Variants in MALRD1 observed in about 807,000 individuals in gnomAD.
The protein encoded by MALRD1 is MAM and LDL receptor class A domain containing 1, also known as MAM and LDL-receptor class A domain-containing protein 1.
A neutral mutation model predicts 242.1 loss-of-function variants in MALRD1; 247 were observed. The ratio of observed to expected loss-of-function variants is 1.02; its 90% CI spans 0.92 to 1.13. MALRD1 has a LOEUF of 1.13. MALRD1 is among the 50% of genes most tolerant of loss of function. The pLI, the probability that MALRD1 is intolerant of heterozygous loss-of-function variation, is 0.00. For missense variants in MALRD1, 2,989 were observed against 2,533.1 expected, an observed-to-expected ratio of 1.18 and a Z score of -3.86; for synonymous variants, 995 against 866.6, an observed-to-expected ratio of 1.15 and a Z score of -2.60.
chr10:19,656,613 G>T (rs924371619), intron 36 of MALRD1, among the ~76,000 whole-genome samples: 1 of 151,572 alleles, frequency 6.6e-6, no homozygotes, highest in African/African-American at 2.4e-5. Context: ...ATTAACCTTT[G>T]CCCTGTATAT....
chr10:19,114,239 C>T (rs1240713932), intron 5 of MALRD1, among the ~76,000 whole-genome samples: 1 of 152,158 alleles, frequency 6.6e-6, no homozygotes, highest in African/African-American at 2.4e-5. Flanking sequence ...CTGGGCCAAG[C>T]ATTTCCCATA....
intron 36 of MALRD1, among the ~76,000 whole-genome samples, chr10:19,687,242 G>C (rs1264146425): frequency 3.3e-5 from 5 of 151,934 alleles, no homozygotes; most frequent in South Asian, 2.1e-4. Flanking sequence ...ATTACACAAG[G>C]GGCAGAATCA....
At chr10:19,210,501 A>G (rs1038156652) in intron 18 of MALRD1, among the ~76,000 whole-genome samples, 1 of 152,162 alleles carries the variant, frequency 6.6e-6, no homozygotes, top group African/African-American at 2.4e-5. Flanking sequence ...GGGCTTGAAT[A>G]TTTGTTCTTT....
At chr10:19,234,395 TTA>T (rs72359351) in intron 18 of MALRD1, among the ~76,000 whole-genome samples, 12,134 of 151,940 alleles carry the variant, frequency 0.08, 547 homozygotes, top group East Asian at 0.17. Context: ...AGATCACAGT[TTA>T]TGTTTTATTA....
intron 19 of MALRD1, among the ~76,000 whole-genome samples, chr10:19,266,749 A>C (rs1483488866): frequency 6.6e-6 from 1 of 152,038 alleles, no homozygotes; most frequent in Admixed American, 6.5e-5. Context: ...AGGCAAAATT[A>C]ATTACATTTC....
At chr10:19,568,093 C>T (rs370072082) in intron 33 of MALRD1, among the ~76,000 whole-genome samples, 7 of 152,212 alleles carry the variant, frequency 4.6e-5, no homozygotes, top group East Asian at 3.9e-4. Context: ...CCCCAGGCCA[C>T]GTTCCTTCTC....
Position 19,492,306 on chromosome 10 carries a change from C to A in MALRD1, c.5158+661C>A, listed in dbSNP as rs559642519. 2.0e-5 allele frequency among the ~76,000 whole-genome samples: 3 copies of A among 152,118 alleles called. No individual in the cohort carries two copies. The East Asian group carries it at 5.8e-4, about 29-fold the overall frequency. ...TTATCTTTCCTAGAGAATATTGATACCATACCAGCTACCTGTTGCAGTTAC... is the reference window on the plus strand; with the variant it reads ...TTATCTTTCCTAGAGAATATTGATAACATACCAGCTACCTGTTGCAGTTAC... On this transcript the variant is annotated intron_variant, in intron 30 of 39. Coordinates refer to ENST00000454679, the MANE Select transcript of MALRD1 (RefSeq NM_001142308.3).
chr10:19,594,772 G>A (rs1187984777), intron 33 of MALRD1, among the ~76,000 whole-genome samples: 1 of 152,098 alleles, frequency 6.6e-6, no homozygotes, highest in African/African-American at 2.4e-5. Flanking sequence ...GTATAAATGG[G>A]AGCTAAGCTG....
intron 34 of MALRD1, among the ~76,000 whole-genome samples, chr10:19,600,567 C>T (rs1280711368): frequency 6.6e-6 from 1 of 152,168 alleles, no homozygotes; most frequent in Non-Finnish European, 1.5e-5. Context: ...CCTTCATTCT[C>T]ATAGCCCAAG....
intron 28 of MALRD1, among the ~76,000 whole-genome samples, chr10:19,393,985 C>A (rs1254939060): frequency 6.6e-6 from 1 of 152,158 alleles, no homozygotes; most frequent in Non-Finnish European, 1.5e-5. Flanking sequence ...ACTCTTCCAT[C>A]TGTAATAAAC....
At chr10:19,377,954 C>A (rs1219504239) in intron 26 of MALRD1, among the ~76,000 whole-genome samples, 2 of 152,110 alleles carry the variant, frequency 1.3e-5, no homozygotes, top group Non-Finnish European at 2.9e-5. Flanking sequence ...CCCTTTCATT[C>A]ACAATTTTCA....
Position 19,654,490 on chromosome 10 carries a change from G to C in MALRD1, c.6138-37792G>C, listed in dbSNP as rs1167490751. 3.0e-4 allele frequency among the ~76,000 whole-genome samples: 45 copies of C among 152,094 alleles called. 1 individual carries two copies. Among genetic ancestry groups the C allele is most frequent in the Admixed American group, 2.9e-3 (45 of 15,256 alleles). On this transcript the variant is annotated intron_variant, in intron 36 of 39. Transcript: ENST00000454679. The stretch of plus-strand genomic sequence containing the variant: ...TGACCATTATCAATATCTCTACATA[G>C]ATGAATCCAAAAGGAGAGTCATATT...
At chr10:19,612,222 A>G (rs1838933596) in intron 35 of MALRD1, among the ~76,000 whole-genome samples, 1 of 151,958 alleles carries the variant, frequency 6.6e-6, no homozygotes. Flanking sequence ...CTTGGTGGCT[A>G]TTCTTCAGTC....
chr10:19,169,598 AAAG>A (rs1302126466), intron 13 of MALRD1, among the ~76,000 whole-genome samples: 1 of 152,166 alleles, frequency 6.6e-6, no homozygotes, highest in Non-Finnish European at 1.5e-5. Flanking sequence ...GCAGAAAAAA[AAAG>A]ATGCTAATAT....
At position 19,347,910 on chromosome 10, in the gene MALRD1, A is replaced by T; in HGVS notation, c.4041A>T (p.Gly1347=). The change falls in exon 25 of 40, where the codon GGA becomes GGT. Residue 1347 remains glycine, a synonymous_variant. Coordinates refer to ENST00000454679, the MANE Select transcript of MALRD1 (RefSeq NM_001142308.3). ...AGCCAGCAGCAGATCACACTTTGGG[A>T]AATTCATCTGGTCATTACATCTTTA... ...GTEPAADHTL[G]NSSGHYIFIK... 1 of 1,550,354 alleles carries T rather than the reference A, an allele frequency of 6.5e-7. No homozygotes were observed.
At chr10:19,619,449 A>G (rs1589316048) in intron 36 of MALRD1, among the ~76,000 whole-genome samples, 1 of 152,214 alleles carries the variant, frequency 6.6e-6, no homozygotes, top group East Asian at 1.9e-4. Context: ...TATGATGATC[A>G]GAATTTGTTT....
chr10:19,273,875 G>A (rs1435121958), intron 19 of MALRD1, among the ~76,000 whole-genome samples: 1 of 152,008 alleles, frequency 6.6e-6, no homozygotes, highest in Non-Finnish European at 1.5e-5. Context: ...AACAAGCATA[G>A]GAAAACATGC....
At chr10:19,066,493 C>T (rs1167881254) in intron 1 of MALRD1, among the ~76,000 whole-genome samples, 1 of 152,080 alleles carries the variant, frequency 6.6e-6, no homozygotes, top group Non-Finnish European at 1.5e-5. Flanking sequence ...GATCCTATGT[C>T]GTGTGGCATT....
intron 28 of MALRD1, among the ~76,000 whole-genome samples, chr10:19,393,793 G>C (rs1846452972): frequency 6.6e-6 from 1 of 152,012 alleles, no homozygotes; most frequent in Non-Finnish European, 1.5e-5. Context: ...ATGTATACAT[G>C]AATACACTAA....
Sources: gnomAD v4.1 joint callset for allele counts (sites outside exome capture counted in the v4.1 genomes callset) on GRCh38, gnomAD v4.1.1 for gene constraint, MANE v1.5 for transcripts, NCBI Gene and HGNC (gene_info 2026-07-23, HGNC 2026-07-21) for gene names.